The following SLC30A7 variants were observed in gnomAD, a reference collection of about 807,000 sequenced individuals.
SLC30A7 encodes the protein solute carrier family 30 member 7.
In SLC30A7, 35 loss-of-function variants were observed where a neutral mutation model predicts 46.0. The ratio of observed to expected loss-of-function variants is 0.76; its 90% confidence interval spans 0.58 to 1.01. SLC30A7 has a LOEUF of 1.01. Among genes scored for constraint, SLC30A7 ranks in the 50% least tolerant of loss-of-function variants. SLC30A7 has a pLI of 0.00. For synonymous variants in SLC30A7, 147 were observed against 157.8 expected, an observed-to-expected ratio of 0.93 and a Z score of 0.51; for missense variants, 464 against 451.1, an observed-to-expected ratio of 1.03 and a Z score of -0.26.
chr1:100,945,253 G>A (rs574644536), intron 8 of SLC30A7, among the ~76,000 whole-genome samples: 85 of 152,226 alleles, frequency 5.6e-4, no homozygotes, highest in Admixed American at 1.0e-3. Flanking sequence ...TCACTCTGAC[G>A]GTAGTTTCTT....
intron 7 of SLC30A7, among the ~76,000 whole-genome samples, chr1:100,920,325 A>G (rs1275388632): frequency 6.6e-6 from 1 of 152,052 alleles, no homozygotes; most frequent in East Asian, 1.9e-4. Flanking sequence ...TTCCAGTTGT[A>G]GTTTTAAAAG....
At chr1:100,942,505 G>A (rs965360143) in intron 8 of SLC30A7, among the ~76,000 whole-genome samples, 16 of 152,196 alleles carry the variant, frequency 1.1e-4, no homozygotes, top group African/African-American at 3.9e-4. Flanking sequence ...TCTGTGAAAT[G>A]TGTGGGGTTT....
intron 4 of SLC30A7, among the ~76,000 whole-genome samples, chr1:100,911,712 G>A (rs1014853694): frequency 6.6e-6 from 1 of 151,898 alleles, no homozygotes; most frequent in East Asian, 1.9e-4. Context: ...ACCATGCCCA[G>A]CTAATTTTTT....
rs540914689 is a variant in SLC30A7, at chr1:100,973,743, A to T, written c.1084-1067A>T. On this transcript the variant is annotated intron_variant, in intron 10 of 10. Coordinates refer to ENST00000357650, the MANE Select transcript of SLC30A7 (RefSeq NM_133496.5). ...GAACTAGCAGAGAAGACTGAGAAAG[A>T]CTGATAAGTGAGGTAAAAGGGCAGC... Among the ~76,000 whole-genome samples, 8 of 152,250 alleles carry T rather than the reference A, an allele frequency of 5.3e-5. No homozygotes were observed. In the East Asian group the frequency reaches 1.3e-3, roughly 26 times the overall value.
intron 2 of SLC30A7, 58 bp downstream of exon 2, chr1:100,896,729 G>C (rs1650980986): frequency 6.9e-7 from 1 of 1,449,710 alleles, no homozygotes; most frequent in Non-Finnish European, 9.6e-7. Context: ...ACGAAGCACT[G>C]TTTGCTTAAT....
At chr1:100,912,728 A>G (rs1652189882) in intron 5 of SLC30A7, among the ~76,000 whole-genome samples, 1 of 151,974 alleles carries the variant, frequency 6.6e-6, no homozygotes, top group African/African-American at 2.4e-5. Flanking sequence ...AAAAAAACAA[A>G]AAAAACAGGC....
downstream of SLC30A7, among the ~76,000 whole-genome samples, chr1:100,986,361 A>G (rs1657269102): frequency 6.6e-6 from 1 of 151,240 alleles, no homozygotes; most frequent in South Asian, 2.1e-4. Context: ...GTGAGCCGAG[A>G]TTGTGCCATT....
In SLC30A7 at chr1:100,976,077, C is replaced by A. The variant is rs913538456; in HGVS notation, c.*1220C>A. ...TGTGGACTGTGTTTTCAAAACTTTG[C>A]AAATTCATCTGTTACACAGAAAATT... On this transcript the variant is annotated 3_prime_UTR_variant, in exon 11 of 11. Coordinates refer to ENST00000357650, the MANE Select transcript of SLC30A7 (RefSeq NM_133496.5). 5 of 152,484 alleles carry A rather than the reference C, an allele frequency of 3.3e-5. No homozygotes were observed. Among genetic ancestry groups the A allele is most frequent in the African/African-American group, 1.2e-4 (5 of 41,436 alleles). 9.4% of individuals were successfully genotyped at this position (152,484 alleles called of 1,614,324 possible).
intron 8 of SLC30A7, among the ~76,000 whole-genome samples, chr1:100,932,455 C>T (rs61780294): frequency 0.16 from 25,047 of 151,844 alleles, 2,118 homozygotes; most frequent in African/African-American, 0.18. Flanking sequence ...AATATGGCCT[C>T]TTTGTGGTTT....
intron 8 of SLC30A7, among the ~76,000 whole-genome samples, chr1:100,960,292 A>G (rs984929573): frequency 2.6e-5 from 4 of 152,068 alleles, no homozygotes; most frequent in Non-Finnish European, 4.4e-5. Context: ...TCCTTGTCCA[A>G]ATTCTTATCA....
At chr1:100,944,994 G>A (rs1464821371) in intron 8 of SLC30A7, among the ~76,000 whole-genome samples, 1 of 152,172 alleles carries the variant, frequency 6.6e-6, no homozygotes, top group Non-Finnish European at 1.5e-5. Context: ...ACTGGCATGA[G>A]ATGGTATCTC....
At chr1:100,983,258 A>G (rs1191742212), downstream of SLC30A7, among the ~76,000 whole-genome samples, 2 of 152,162 alleles carry the variant, frequency 1.3e-5, no homozygotes, top group Non-Finnish European at 2.9e-5. Context: ...CAATAGATAT[A>G]GACAGAATGA....
intron 7 of SLC30A7, among the ~76,000 whole-genome samples, chr1:100,919,243 G>A (rs565221281): frequency 6.6e-6 from 1 of 151,870 alleles, no homozygotes; most frequent in Admixed American, 6.6e-5. Context: ...TGTTTTTGTG[G>A]GTGGGGCGGT....
chr1:100,918,924 C>G (rs1354401351), intron 7 of SLC30A7, among the ~76,000 whole-genome samples: 1 of 152,148 alleles, frequency 6.6e-6, no homozygotes, highest in Non-Finnish European at 1.5e-5. Context: ...AGTATAGTTT[C>G]TACTGAATGC....
At chr1:100,912,792 C>T (rs1652195349) in intron 5 of SLC30A7, among the ~76,000 whole-genome samples, 1 of 151,146 alleles carries the variant, frequency 6.6e-6, no homozygotes, top group Admixed American at 6.6e-5. Context: ...ATGGGAGAGT[C>T]GCTTGAGCCC....
At chr1:100,961,993 G>A in intron 9 of SLC30A7, 75 bp downstream of exon 9, 1 of 854,936 alleles carries the variant, frequency 1.2e-6, no homozygotes, top group South Asian at 1.7e-5. Context: ...TCACAAATAT[G>A]GGTAACATGT....
intron 2 of SLC30A7, among the ~76,000 whole-genome samples, chr1:100,899,220 A>G (rs1420841416): frequency 3.3e-5 from 5 of 152,218 alleles, no homozygotes; most frequent in Non-Finnish European, 7.3e-5. Flanking sequence ...GCACTTCAGT[A>G]CATAGCACAT....
chr1:100,965,671 C>T lies in SLC30A7; in HGVS notation c.934-98C>T, dbSNP rs111952271. ...CCTCCTTTCCTTTTTTTAAAATGGA[C>T]GATAGAATCCATGTTTACTGATATG... On this transcript the variant is annotated intron_variant, in intron 9 of 10. Coordinates refer to ENST00000357650, the MANE Select transcript of SLC30A7 (RefSeq NM_133496.5). 1,859 of 968,936 alleles carry T rather than the reference C, an allele frequency of 1.9e-3. 28 individuals are homozygous for T. The African/African-American group carries it at 0.027, about 14-fold the overall frequency. The allele number at this position is 968,936 out of a possible 1,614,324, so 60.0% of individuals were successfully genotyped here.
intron 7 of SLC30A7, among the ~76,000 whole-genome samples, chr1:100,921,071 C>T (rs1160194651): frequency 1.3e-5 from 2 of 151,952 alleles, no homozygotes; most frequent in African/African-American, 2.4e-5. Context: ...CATCAGTATC[C>T]TACCAATTTA....
Sources: allele counts gnomAD v4.1 joint callset (sites outside exome capture counted in the v4.1 genomes callset), GRCh38; gene constraint gnomAD v4.1.1; transcripts MANE v1.5; gene names NCBI Gene and HGNC (gene_info 2026-07-23, HGNC 2026-07-21).